The following INTS6 variants were observed in gnomAD, a reference collection of about 807,000 sequenced individuals.
The protein encoded by INTS6 is DEAD box protein.
A neutral mutation model predicts 104.9 loss-of-function variants in INTS6; 16 were observed. That is an observed-to-expected ratio of 0.15 (90% CI 0.10 to 0.23). INTS6 has a LOEUF of 0.23. INTS6 is among the 10% of genes least tolerant of loss of function. The pLI is 1.00. For synonymous variants in INTS6, 324 were observed against 358.7 expected, an observed-to-expected ratio of 0.90 and a Z score of 1.09; for missense variants, 584 against 1,062.8, an observed-to-expected ratio of 0.55 and a Z score of 6.26.
the INTS6 span, chr13:51,341,425 A>C: frequency 2.3e-6 from 3 of 1,281,224 alleles, no homozygotes; most frequent in African/African-American, 4.4e-5. Context: ...CCTCCTGCTC[A>C]CACTCACACT....
intron 4 of INTS6, among the ~76,000 whole-genome samples, chr13:51,412,431 T>C (rs977772269): frequency 1.2e-4 from 19 of 152,218 alleles, no homozygotes; most frequent in African/African-American, 4.3e-4. Context: ...TAGTGTCTTA[T>C]ATTGTACCAT....
chr13:51,380,259 A>G (rs574379495), intron 10 of INTS6, among the ~76,000 whole-genome samples: 5 of 152,276 alleles, frequency 3.3e-5, no homozygotes, highest in African/African-American at 1.2e-4. Context: ...GTTAAAAAAA[A>G]CTTTCAATTG....
At chr13:51,345,003 G>A in the INTS6 span, among the ~76,000 whole-genome samples, 1,727 of 152,314 alleles carry the variant, frequency 0.011, 25 homozygotes, top group East Asian at 0.071. Context: ...CCAGCAATGA[G>A]GTGTGAATCA....
chr13:51,371,265 C>G (rs557853519), intron 15 of INTS6, among the ~76,000 whole-genome samples: 29 of 152,172 alleles, frequency 1.9e-4, no homozygotes, highest in Non-Finnish European at 3.4e-4. Context: ...CAGCTTCTCT[C>G]TAAAGAACTT....
intron 4 of INTS6, among the ~76,000 whole-genome samples, chr13:51,408,380 G>T (rs925491379): frequency 6.6e-6 from 1 of 152,008 alleles, no homozygotes; most frequent in Non-Finnish European, 1.5e-5. Context: ...CCTGACCTCA[G>T]GTGATCCACC....
intron 5 of INTS6, among the ~76,000 whole-genome samples, chr13:51,393,834 T>C (rs1180518102): frequency 6.6e-6 from 1 of 152,186 alleles, no homozygotes; most frequent in African/African-American, 2.4e-5. Context: ...TCAGACTCTT[T>C]GATTACACCA....
chr13:51,403,346 G>A (rs938100618), intron 4 of INTS6, among the ~76,000 whole-genome samples: 2 of 152,086 alleles, frequency 1.3e-5, no homozygotes, highest in Admixed American at 1.3e-4. Flanking sequence ...CACTTTGGGA[G>A]CCCAAGGTCA....
chr13:51,414,831 T>TACAC (rs1349738238), intron 4 of INTS6, among the ~76,000 whole-genome samples: 1 of 102,754 alleles, frequency 9.7e-6, no homozygotes, highest in Admixed American at 1.0e-4. Context: ...GTAGTTCTTC[T>TACAC]ATACACACAC....
At chr13:51,403,245 C>T (rs1956472558) in intron 4 of INTS6, among the ~76,000 whole-genome samples, 1 of 152,168 alleles carries the variant, frequency 6.6e-6, no homozygotes, top group Admixed American at 6.5e-5. Flanking sequence ...GGATGAGGAT[C>T]AAACCTGAGC....
chr13:51,416,901 T>G (rs1183903284), intron 4 of INTS6, among the ~76,000 whole-genome samples: 2 of 152,216 alleles, frequency 1.3e-5, no homozygotes, highest in Non-Finnish European at 2.9e-5. Flanking sequence ...CTGTCCATCT[T>G]TTTTATTATA....
At chr13:51,367,762 A>T (rs1386637355) in intron 17 of INTS6, 43 bp downstream of exon 17, 1 of 1,102,690 alleles carries the variant, frequency 9.1e-7, no homozygotes, top group Non-Finnish European at 1.4e-6. Context: ...TAAACTGTGG[A>T]CTCATTTCAT....
downstream of INTS6, among the ~76,000 whole-genome samples, chr13:51,358,809 T>A (rs957755309): frequency 6.6e-6 from 1 of 152,012 alleles, no homozygotes; most frequent in African/African-American, 2.4e-5. Flanking sequence ...TATCACCCCT[T>A]TGCTTTGTAT....
At chr13:51,402,005 CTTAA>C (rs975167365) in intron 4 of INTS6, among the ~76,000 whole-genome samples, 4 of 151,750 alleles carry the variant, frequency 2.6e-5, no homozygotes, top group African/African-American at 7.3e-5. Flanking sequence ...ATTTTAAGTC[CTTAA>C]TTAATACATC....
intron 4 of INTS6, among the ~76,000 whole-genome samples, chr13:51,423,839 G>A (rs1475578595): frequency 6.6e-6 from 1 of 151,792 alleles, no homozygotes; most frequent in Non-Finnish European, 1.5e-5. Context: ...CATGCTTTTT[G>A]TGTAGCTTAA....
chr13:51,340,876 T>C, the INTS6 span: 2 of 593,938 alleles, frequency 3.4e-6, no homozygotes, highest in East Asian at 5.6e-5. Context: ...GTATTTCTAA[T>C]GCTGAAACAA....
At chr13:51,404,628 T>C (rs1956524074) in intron 4 of INTS6, among the ~76,000 whole-genome samples, 1 of 152,204 alleles carries the variant, frequency 6.6e-6, no homozygotes, top group African/African-American at 2.4e-5. Flanking sequence ...ATACTTCCAC[T>C]GAGGCCCACA....
Position 51,452,476 on chromosome 13 carries a change from C to T in INTS6, c.50G>A (p.Arg17His). The change falls in exon 1 of 18, where the codon CGC becomes CAC. Residue 17 changes from arginine to histidine, a missense_variant. Arg to His is a conservative substitution (Grantham distance 29). This residue lies in a region of INTS6 where 70 missense variants were observed against 190.3 expected (regional missense o/e 0.37). Transcript: ENST00000311234. This position sits in a 1 kb window ranked among gnomAD's most constrained non-coding sequence, Gnocchi z 4.2. ...CAGGTAGGTGGTGCCCAGATGGCTG[C>T]GCTGGTTCATAGAGGCAGACGTGTC... is the stretch of plus-strand genomic sequence containing the variant. ...LIDTSASMNQ[R>H]SHLGTTYLDT... The T allele has an allele frequency of 6.2e-7, 1 of 1,612,144 alleles. No homozygotes were observed. The highest frequency in any genetic ancestry group is 1.1e-5 in the South Asian group (1 of 91,070).
At chr13:51,404,295 A>G (rs1252688138) in intron 4 of INTS6, among the ~76,000 whole-genome samples, 4 of 95,128 alleles carry the variant, frequency 4.2e-5, no homozygotes, top group Non-Finnish European at 8.8e-5. Context: ...GCAAAAACTA[A>G]AAAAAAAAAA....
At chr13:51,403,496 C>T (rs778227435) in intron 4 of INTS6, among the ~76,000 whole-genome samples, 6 of 147,054 alleles carry the variant, frequency 4.1e-5, no homozygotes, top group Non-Finnish European at 7.4e-5. Context: ...GCAGAAGAAT[C>T]GCTTGAACCC....
Sources: gnomAD v4.1 joint callset for allele counts (sites outside exome capture counted in the v4.1 genomes callset) on GRCh38, gnomAD v4.1.1 for gene constraint, gnomAD v4.1.1 regional missense constraint, Gnocchi (gnomAD v3.1) non-coding constraint, MANE v1.5 for transcripts, NCBI Gene and HGNC (gene_info 2026-07-23, HGNC 2026-07-21) for gene names.